Variants in AGMO observed in about 807,000 individuals in gnomAD.
AGMO encodes the protein alkylglycerol monooxygenase.
Under a neutral mutation model 60.2 loss-of-function variants are expected in AGMO, and 75 were observed. The ratio of observed to expected loss-of-function variants is 1.25; its 90% confidence interval spans 1.03 to 1.51. The LOEUF (loss-of-function observed/expected upper bound fraction) is 1.51, where lower values mean the gene tolerates loss of function less well. Among genes scored for constraint, AGMO ranks in the 40% most tolerant of loss-of-function variants. AGMO has a pLI of 0.00. For synonymous variants in AGMO, 261 were observed against 177.1 expected (o/e 1.47, Z -3.76); for missense variants, 763 against 525.5 (o/e 1.45, Z -4.42).
chr7:15,204,615 C>T (rs1781392657), intron 12 of AGMO, among the ~76,000 whole-genome samples: 1 of 152,170 alleles, frequency 6.6e-6, no homozygotes, highest in Non-Finnish European at 1.5e-5. Context: ...TTCTTAGTGT[C>T]AAGCCGTCCT....
chr7:15,426,908 G>A (rs1781081338), intron 4 of AGMO, among the ~76,000 whole-genome samples: 1 of 152,078 alleles, frequency 6.6e-6, no homozygotes, highest in Admixed American at 6.5e-5. Context: ...TGAAAATGGG[G>A]TGTGTGGAAG....
chr7:15,419,098 T>C (rs1043819141), intron 4 of AGMO, among the ~76,000 whole-genome samples: 3 of 151,848 alleles, frequency 2.0e-5, no homozygotes, highest in Non-Finnish European at 2.9e-5. Context: ...ATAAATTAAT[T>C]TCATACAAGG....
chr7:15,515,981 C>G (rs959471976), intron 3 of AGMO, among the ~76,000 whole-genome samples: 1 of 151,952 alleles, frequency 6.6e-6, no homozygotes, highest in African/African-American at 2.4e-5. Context: ...ATGGTGACTA[C>G]AGTGAATAAC....
At chr7:15,131,801 G>A in the AGMO span, among the ~76,000 whole-genome samples, 16 of 146,246 alleles carry the variant, frequency 1.1e-4, no homozygotes, top group African/African-American at 3.8e-4. Context: ...AACAAGGTAG[G>A]AGTAATTCCT....
At chr7:15,423,657 C>T (rs1403384519) in intron 4 of AGMO, among the ~76,000 whole-genome samples, 1 of 152,166 alleles carries the variant, frequency 6.6e-6, no homozygotes, top group African/African-American at 2.4e-5. Context: ...TCCAGGAGGA[C>T]TTGTCTTTTT....
At chr7:15,159,372 C>A in the AGMO span, among the ~76,000 whole-genome samples, 3 of 152,124 alleles carry the variant, frequency 2.0e-5, no homozygotes, top group Non-Finnish European at 4.4e-5. Context: ...AAAGACAGTG[C>A]AGAGATTGAT....
chr7:15,302,160 T>C (rs1780463806), intron 12 of AGMO, among the ~76,000 whole-genome samples: 1 of 152,194 alleles, frequency 6.6e-6, no homozygotes, highest in African/African-American at 2.4e-5. Flanking sequence ...AATGAATTAA[T>C]TGGTACTTAT....
chr7:15,474,193 A>G (rs1017844352), intron 3 of AGMO, among the ~76,000 whole-genome samples: 3 of 152,140 alleles, frequency 2.0e-5, no homozygotes, highest in African/African-American at 7.2e-5. Flanking sequence ...AGAATTAGAG[A>G]AAACTACTTT....
intron 3 of AGMO, among the ~76,000 whole-genome samples, chr7:15,480,943 C>T (rs1782731175): frequency 7.0e-6 from 1 of 143,668 alleles, no homozygotes; most frequent in Admixed American, 6.7e-5. Flanking sequence ...AAAAGCAGCA[C>T]ATTAATTATG....
intron 12 of AGMO, among the ~76,000 whole-genome samples, chr7:15,268,603 AGAGTGGATACATT>A (rs1783503466): frequency 6.6e-6 from 1 of 152,090 alleles, no homozygotes; most frequent in African/African-American, 2.4e-5. Context: ...TTGTTTTAAA[AGAGTGGATACATT>A]GAGTGTGGAA....
intron 12 of AGMO, among the ~76,000 whole-genome samples, chr7:15,314,546 T>C (rs1439952713): frequency 1.3e-5 from 2 of 152,124 alleles, no homozygotes; most frequent in African/African-American, 4.8e-5. Flanking sequence ...TTTCCTGACA[T>C]TTAGGTTAAT....
At chr7:15,354,510 A>ACACG (rs1563106015) in intron 12 of AGMO, among the ~76,000 whole-genome samples, 2 of 77,288 alleles carry the variant, frequency 2.6e-5, no homozygotes, top group Non-Finnish European at 5.1e-5. Flanking sequence ...ATATATATAT[A>ACACG]TATATATATA....
At chr7:15,149,939 A>G in the AGMO span, among the ~76,000 whole-genome samples, 6 of 152,118 alleles carry the variant, frequency 3.9e-5, no homozygotes, top group Admixed American at 2.0e-4. Flanking sequence ...GATTATTCCT[A>G]TCTTAGAGCA....
chr7:15,397,211 C>T (rs868736876), intron 5 of AGMO, among the ~76,000 whole-genome samples: 3 of 152,174 alleles, frequency 2.0e-5, no homozygotes, highest in Non-Finnish European at 2.9e-5. Flanking sequence ...GCCGTCCTGG[C>T]CTACGACCCC....
the AGMO span, among the ~76,000 whole-genome samples, chr7:15,119,491 G>C: frequency 6.6e-6 from 1 of 151,324 alleles, no homozygotes; most frequent in African/African-American, 2.4e-5. Context: ...TCCTTACCCA[G>C]CTTAAATTCT....
At chr7:15,545,152 T>G (rs563249955) in intron 2 of AGMO, among the ~76,000 whole-genome samples, 1 of 152,138 alleles carries the variant, frequency 6.6e-6, no homozygotes, top group Non-Finnish European at 1.5e-5. Context: ...TGCCAGCTGT[T>G]TGTGCTCTCA....
chr7:15,210,820 G>A (rs148787493), intron 12 of AGMO, among the ~76,000 whole-genome samples: 162 of 151,962 alleles, frequency 1.1e-3, no homozygotes, highest in African/African-American at 3.7e-3. Flanking sequence ...TTTGATCTGG[G>A]TTTTAAATTA....
intron 12 of AGMO, among the ~76,000 whole-genome samples, chr7:15,301,022 G>C (rs1426905192): frequency 6.6e-6 from 1 of 152,096 alleles, no homozygotes; most frequent in Non-Finnish European, 1.5e-5. Flanking sequence ...GAGAACATAA[G>C]AAAACACCTT....
chr7:15,121,352 G>A, the AGMO span, among the ~76,000 whole-genome samples: 1 of 152,040 alleles, frequency 6.6e-6, no homozygotes, highest in South Asian at 2.1e-4. Context: ...TGGGATTGCT[G>A]GGTCAAATGA....
Sources: gnomAD v4.1 joint callset for allele counts (sites outside exome capture counted in the v4.1 genomes callset) on GRCh38, gnomAD v4.1.1 for gene constraint, MANE v1.5 for transcripts, NCBI Gene and HGNC (gene_info 2026-07-23, HGNC 2026-07-21) for gene names.